Variants in DLGAP2 observed in about 807,000 individuals in gnomAD.
DLGAP2 encodes disks large-associated protein 2.
Under a neutral mutation model 100.3 loss-of-function variants are expected in DLGAP2, and 26 were observed. That is an observed-to-expected ratio of 0.26 (90% CI 0.19 to 0.36). The LOEUF (loss-of-function observed/expected upper bound fraction) is 0.36, where lower values mean the gene tolerates loss of function less well. DLGAP2 is among the 10% of genes least tolerant of loss of function. The pLI is 1.00. For synonymous variants in DLGAP2, 886 were observed against 630.1 expected (o/e 1.41, Z -6.08); for missense variants, 1,858 against 1,453.2 (o/e 1.28, Z -4.53).
At chr8:1,454,953 C>T (rs1348941674) in intron 3 of DLGAP2, among the ~76,000 whole-genome samples, 8 of 152,130 alleles carry the variant, frequency 5.3e-5, no homozygotes, top group Admixed American at 1.3e-4. Context: ...CCCCGCCCAT[C>T]GGGCCCCCAG....
At chr8:1,205,285 C>T (rs879319764) in intron 2 of DLGAP2, among the ~76,000 whole-genome samples, 6 of 152,146 alleles carry the variant, frequency 3.9e-5, no homozygotes, top group Admixed American at 1.3e-4. Context: ...GTGTGTCCAA[C>T]CAGGAGGGGT....
At chr8:824,306 G>T (rs1796645444) in intron 1 of DLGAP2, among the ~76,000 whole-genome samples, 1 of 151,924 alleles carries the variant, frequency 6.6e-6, no homozygotes, top group African/African-American at 2.4e-5. Context: ...GCACTCCTGG[G>T]CTCAAGCAAT....
At chr8:1,069,644 A>G (rs1803367715) in intron 2 of DLGAP2, among the ~76,000 whole-genome samples, 1 of 152,190 alleles carries the variant, frequency 6.6e-6, no homozygotes. Context: ...GCGTCATTAG[A>G]GTATAATATA....
At chr8:1,546,179 T>C (rs1315461402) in intron 4 of DLGAP2, among the ~76,000 whole-genome samples, 2 of 152,218 alleles carry the variant, frequency 1.3e-5, no homozygotes, top group African/African-American at 4.8e-5. Flanking sequence ...GCCATTACAG[T>C]GTAGGTGCTC....
intron 2 of DLGAP2, among the ~76,000 whole-genome samples, chr8:971,329 T>TA (rs1401081797): frequency 6.6e-6 from 1 of 152,204 alleles, no homozygotes; most frequent in Admixed American, 6.5e-5. Flanking sequence ...GTCACCACTG[T>TA]TATCCTCCTC....
At chr8:1,292,804 G>A (rs1800088418) in intron 3 of DLGAP2, among the ~76,000 whole-genome samples, 1 of 151,926 alleles carries the variant, frequency 6.6e-6, no homozygotes, top group Non-Finnish European at 1.5e-5. Context: ...TTCTCGGAAC[G>A]CCTTCCCAAG....
At chr8:1,449,102 G>T (rs963367497) in intron 3 of DLGAP2, among the ~76,000 whole-genome samples, 6 of 152,138 alleles carry the variant, frequency 3.9e-5, no homozygotes, top group African/African-American at 1.4e-4. Flanking sequence ...CTGTCATCCC[G>T]GCCTAATGAT....
At chr8:1,240,776 A>T (rs75701185) in intron 2 of DLGAP2, among the ~76,000 whole-genome samples, 3 of 16,156 alleles carry the variant, frequency 1.9e-4, no homozygotes, top group East Asian at 9.9e-4. Context: ...TAGTTGTCTC[A>T]CATGGTGCCG....
chr8:920,990 GGAAA>G (rs1798701551), intron 2 of DLGAP2, among the ~76,000 whole-genome samples: 1 of 151,884 alleles, frequency 6.6e-6, no homozygotes, highest in African/African-American at 2.4e-5. Context: ...GGGTGCTCTT[GGAAA>G]CCTTCCACCT....
intron 2 of DLGAP2, among the ~76,000 whole-genome samples, chr8:986,781 T>TC (rs1800499993): frequency 6.6e-6 from 1 of 152,034 alleles, no homozygotes; most frequent in Non-Finnish European, 1.5e-5. Flanking sequence ...TGCCTAAGCT[T>TC]CCCAAGTAGC....
At chr8:1,632,713 G>A (rs562893257) in intron 7 of DLGAP2, 114 bp from the exon 8 acceptor site, 2 of 1,012,322 alleles carry the variant, frequency 2.0e-6, no homozygotes, top group Non-Finnish European at 2.9e-6. Flanking sequence ...TAACTGTGCT[G>A]AACTATGAGG....
chr8:1,618,927 C>T (rs1407184641), intron 6 of DLGAP2, among the ~76,000 whole-genome samples: 1 of 152,184 alleles, frequency 6.6e-6, no homozygotes, highest in Non-Finnish European at 1.5e-5. Flanking sequence ...CTCCATACAT[C>T]ACCAGATGTC....
chr8:1,249,548 A>G (rs7008711), intron 2 of DLGAP2, among the ~76,000 whole-genome samples: 3,380 of 152,284 alleles, frequency 0.022, 64 homozygotes, highest in South Asian at 0.062. Flanking sequence ...TAAAAACGAA[A>G]CTAGAATAAT....
At chr8:1,426,196 A>G (rs965805878) in intron 3 of DLGAP2, among the ~76,000 whole-genome samples, 1 of 152,210 alleles carries the variant, frequency 6.6e-6, no homozygotes, top group Non-Finnish European at 1.5e-5. Flanking sequence ...TTGTCCACCC[A>G]ATACCCACAT....
intron 3 of DLGAP2, among the ~76,000 whole-genome samples, chr8:1,431,819 T>C (rs1048044435): frequency 5.9e-5 from 9 of 152,240 alleles, no homozygotes; most frequent in African/African-American, 2.2e-4. Flanking sequence ...GGGACTCTTC[T>C]GATGCCTCCG....
At chr8:1,033,704 C>T (rs140888293) in intron 2 of DLGAP2, among the ~76,000 whole-genome samples, 1,816 of 150,958 alleles carry the variant, frequency 0.012, 30 homozygotes, top group African/African-American at 0.042. Flanking sequence ...TGGATTCACA[C>T]GCTCATCCCG....
chr8:1,248,836 G>A (rs962519904), intron 2 of DLGAP2: 5 of 152,426 alleles, frequency 3.3e-5, no homozygotes, highest in Non-Finnish European at 5.9e-5. Flanking sequence ...TGGAGTGTTG[G>A]AGATGGGACC....
intron 3 of DLGAP2, among the ~76,000 whole-genome samples, chr8:1,357,813 G>A (rs978417716): frequency 1.3e-5 from 2 of 152,128 alleles, no homozygotes; most frequent in African/African-American, 2.4e-5. Flanking sequence ...CATACGCTGG[G>A]GCTCAGGGCT....
At chr8:1,643,334 A>C (rs866346540) in intron 8 of DLGAP2, among the ~76,000 whole-genome samples, 5 of 8,570 alleles carry the variant, frequency 5.8e-4, no homozygotes, top group East Asian at 1.8e-3. Context: ...TCACCCTGGA[A>C]CCCGCCGGCC....
Sources: allele counts gnomAD v4.1 joint callset (sites outside exome capture counted in the v4.1 genomes callset), GRCh38; gene constraint gnomAD v4.1.1; transcripts MANE v1.5; gene names NCBI Gene and HGNC (gene_info 2026-07-23, HGNC 2026-07-21).